Variants in FER1L6 observed in about 807,000 individuals in gnomAD.
FER1L6 encodes fer-1-like protein 6.
FER1L6 carries 177 observed loss-of-function variants against 219.2 expected under a neutral mutation model. The observed-to-expected ratio is 0.81, with a 90% CI of 0.71 to 0.91. FER1L6 has a LOEUF of 0.91. Among genes scored for constraint, FER1L6 ranks in the 40% least tolerant of loss-of-function variants. The pLI is 0.00. For synonymous variants in FER1L6, 768 were observed against 824.3 expected, an observed-to-expected ratio of 0.93 and a Z score of 1.17; for missense variants, 2,153 against 2,259.9, an observed-to-expected ratio of 0.95 and a Z score of 0.96.
At chr8:124,013,848 A>G in intron 15 of FER1L6, 1 of 168,786 alleles carries the variant, frequency 5.9e-6, no homozygotes, top group Admixed American at 6.2e-5. Context: ...ACACTCAGCA[A>G]CTATTTGACA....
chr8:123,912,262 A>G (rs1813058777), intron 1 of FER1L6, among the ~76,000 whole-genome samples: 1 of 141,954 alleles, frequency 7.0e-6, no homozygotes, highest in African/African-American at 2.7e-5. Context: ...AGGGACATTA[A>G]GAAACTTGTC....
At position 123,943,370 on chromosome 8, in the gene FER1L6, G is replaced by A. The variant is rs190524888; in HGVS notation, c.-7-12622G>A. Among the ~76,000 whole-genome samples, 78 of 152,146 alleles carry A rather than the reference G, an allele frequency of 5.1e-4. 1 individual carries two copies. The South Asian group carries it at 0.011, about 22-fold the overall frequency. The stretch of plus-strand genomic sequence containing the variant: ...CTGACTTGAAATAAAACATATTGGC[G>A]GCCCCTCCTCTCAAGATCTGCTCTG... On this transcript the variant is annotated intron_variant, in intron 1 of 40. Coordinates refer to ENST00000522917, the MANE Select transcript of FER1L6 (RefSeq NM_001039112.2).
At chr8:123,982,416 TG>T in intron 11 of FER1L6, among the ~76,000 whole-genome samples, 1 of 152,290 alleles carries the variant, frequency 6.6e-6, no homozygotes, top group Non-Finnish European at 1.5e-5. Flanking sequence ...GGAACTTATG[TG>T]GGGTAGAAAG....
chr8:124,026,934 T>C (rs1027065985), intron 18 of FER1L6, among the ~76,000 whole-genome samples: 1 of 152,122 alleles, frequency 6.6e-6, no homozygotes, highest in African/African-American at 2.4e-5. Flanking sequence ...GGTCAAGGTG[T>C]TGGCAGGGCC....
At chr8:124,071,175 T>C (rs1310414223) in intron 30 of FER1L6, among the ~76,000 whole-genome samples, 1 of 152,226 alleles carries the variant, frequency 6.6e-6, no homozygotes, top group African/African-American at 2.4e-5. Context: ...ATAGGAATAC[T>C]GCAGTCAGGA....
At chr8:123,915,047 T>C (rs533745162) in intron 1 of FER1L6, among the ~76,000 whole-genome samples, 1 of 152,132 alleles carries the variant, frequency 6.6e-6, no homozygotes, top group Non-Finnish European at 1.5e-5. Context: ...TTTTTTTTTT[T>C]TCTTTTTCCT....
chr8:123,949,022 G>A (rs1447063533), intron 1 of FER1L6, among the ~76,000 whole-genome samples: 1 of 152,140 alleles, frequency 6.6e-6, no homozygotes, highest in Non-Finnish European at 1.5e-5. Flanking sequence ...CACAGAGGAG[G>A]GAATGCATGG....
chr8:124,024,186 G>A (rs1818599770), intron 18 of FER1L6, among the ~76,000 whole-genome samples: 1 of 149,026 alleles, frequency 6.7e-6, no homozygotes, highest in South Asian at 2.1e-4. Context: ...GTGAGCCACC[G>A]TACTTGGCCA....
chr8:123,995,208 A>T (rs1277003942), intron 12 of FER1L6, among the ~76,000 whole-genome samples: 1 of 152,204 alleles, frequency 6.6e-6, no homozygotes, highest in Non-Finnish European at 1.5e-5. Context: ...CAAGTGGGAG[A>T]GTCATGGTAA....
At position 124,114,679 on chromosome 8, in the gene FER1L6, G is replaced by C. The variant is rs114171290; in HGVS notation, c.5290-4165G>C. On this transcript the variant is annotated intron_variant, in intron 39 of 40. Coordinates refer to ENST00000522917, the MANE Select transcript of FER1L6 (RefSeq NM_001039112.2). ...AGTTTTGAATTATTTCCTTAACTTA[G>C]CTATCCAGAAATGGAATTCCTACAT... is the stretch of plus-strand genomic sequence containing the variant. Among the ~76,000 whole-genome samples, 1,355 of 151,648 alleles carry C rather than the reference G, an allele frequency of 8.9e-3. 24 individuals are homozygous for C. Among genetic ancestry groups the C allele is most frequent in the African/African-American group, 0.031 (1,289 of 41,300 alleles).
At chr8:124,052,813 A>C (rs77410006) in intron 22 of FER1L6, among the ~76,000 whole-genome samples, 1 of 151,794 alleles carries the variant, frequency 6.6e-6, no homozygotes, top group African/African-American at 2.4e-5. Flanking sequence ...ACAAACAAAC[A>C]AAAAAAACAG....
chr8:123,872,205 G>C lies in FER1L6; in HGVS notation c.-8+20020G>C, dbSNP rs554257085. On this transcript the variant is annotated intron_variant, in intron 1 of 40. Transcript: ENST00000522917. ...GGAGATGGCACTAAATCATTCGTGA[G>C]AGATCCGCCCCATAATCCAATCACC... 3.3e-5 allele frequency among the ~76,000 whole-genome samples: 5 copies of C among 152,232 alleles called. No homozygotes were observed. The East Asian group carries it at 9.7e-4, about 29-fold the overall frequency.
At chr8:124,085,157 T>C (rs1007408645) in intron 33 of FER1L6, among the ~76,000 whole-genome samples, 1 of 152,098 alleles carries the variant, frequency 6.6e-6, no homozygotes, top group Non-Finnish European at 1.5e-5. Flanking sequence ...TTTATTTATT[T>C]AGGAGGTCTC....
At chr8:123,934,764 G>A (rs903224628) in intron 1 of FER1L6, among the ~76,000 whole-genome samples, 1 of 152,122 alleles carries the variant, frequency 6.6e-6, no homozygotes, top group Non-Finnish European at 1.5e-5. Flanking sequence ...CACGTGTTGG[G>A]GGGGAGGGGT....
chr8:123,950,119 A>G (rs1346613519), intron 1 of FER1L6, among the ~76,000 whole-genome samples: 3 of 152,222 alleles, frequency 2.0e-5, no homozygotes, highest in African/African-American at 7.2e-5. Flanking sequence ...GCGCCCAGGC[A>G]AGAGGAAGTC....
chr8:124,019,165 C>T (rs999085735), intron 16 of FER1L6, among the ~76,000 whole-genome samples: 5 of 152,200 alleles, frequency 3.3e-5, no homozygotes, highest in Admixed American at 3.3e-4. Context: ...GGGCTATTTA[C>T]TATCTGGTCC....
chr8:123,966,046 A>T lies in FER1L6; in HGVS notation c.237A>T (p.Arg79Ser). The T allele has an allele frequency of 6.2e-7, 1 of 1,613,766 alleles. No homozygotes were observed. Among genetic ancestry groups the T allele is most frequent in the Non-Finnish European group, 8.5e-7 (1 of 1,179,796 alleles). The change falls in exon 4 of 41, where the codon AGA becomes AGT. Residue 79 changes from arginine to serine, a missense_variant. Physicochemically the swap from Arg to Ser is moderately radical, Grantham distance 110 (BLOSUM62 -1). Coordinates refer to ENST00000522917, the MANE Select transcript of FER1L6 (RefSeq NM_001039112.2). ...CTAAGATCCATGATGGGGAGGTCAG[A>T]TCCCAAAATTATCAAGTAAGTGATT... The part of the protein sequence containing the change: ...LLTKIHDGEV[R>S]SQNYQIAITI...
Position 123,956,015 on chromosome 8 carries a change from TGAA to T in FER1L6, c.26_28del (p.Lys9del). ...AGAAAGGGGATGTTTGGGCTGAAGG[TGAA>T]GAAGAAGAGAAATAAGGCAGAGAAG... On this transcript the variant is annotated inframe_deletion, in exon 2 of 41. Coordinates refer to ENST00000522917, the MANE Select transcript of FER1L6 (RefSeq NM_001039112.2). 3 of 1,611,618 alleles carry T rather than the reference TGAA, an allele frequency of 1.9e-6. No individual in the cohort carries two copies. The highest frequency in any genetic ancestry group is 2.5e-6 in the Non-Finnish European group (3 of 1,179,226).
chr8:123,854,576 A>G (rs1816594869), intron 1 of FER1L6, among the ~76,000 whole-genome samples: 1 of 152,184 alleles, frequency 6.6e-6, no homozygotes, highest in Non-Finnish European at 1.5e-5. Flanking sequence ...AGGTGTTCCC[A>G]TTTCAGGAAT....
Sources: allele counts gnomAD v4.1 joint callset (sites outside exome capture counted in the v4.1 genomes callset), GRCh38; gene constraint gnomAD v4.1.1; transcripts MANE v1.5; gene names NCBI Gene and HGNC (gene_info 2026-07-23, HGNC 2026-07-21).